Variants in AKAP13 observed in about 807,000 individuals in gnomAD.
AKAP13 encodes the protein A-kinase anchor protein 13.
AKAP13 carries 80 observed loss-of-function variants against 264.5 expected under a neutral mutation model. That is an observed-to-expected ratio of 0.30 (90% CI 0.25 to 0.36). The LOEUF (loss-of-function observed/expected upper bound fraction) is 0.36, where lower values mean the gene tolerates loss of function less well. Among genes scored for constraint, AKAP13 ranks in the 10% least tolerant of loss-of-function variants. AKAP13 has a pLI of 1.00. For synonymous variants in AKAP13, 1,380 were observed against 1,250.2 expected, an observed-to-expected ratio of 1.10 and a Z score of -2.19; for missense variants, 3,712 against 3,435.2, an observed-to-expected ratio of 1.08 and a Z score of -2.01.
chr15:85,616,557 TGTAA>T (rs983476610), intron 8 of AKAP13, among the ~76,000 whole-genome samples: 58 of 152,198 alleles, frequency 3.8e-4, no homozygotes, highest in Admixed American at 1.5e-3. Flanking sequence ...CAATTAATAC[TGTAA>T]GTAACTACTG....
intron 1 of AKAP13, among the ~76,000 whole-genome samples, chr15:85,397,223 T>C (rs2071161323): frequency 6.6e-6 from 1 of 152,192 alleles, no homozygotes; most frequent in South Asian, 2.1e-4. Flanking sequence ...CAAAAACAAC[T>C]GATACATTGT....
chr15:85,439,262 A>G (rs1443544691), intron 1 of AKAP13, among the ~76,000 whole-genome samples: 1 of 146,794 alleles, frequency 6.8e-6, no homozygotes, highest in African/African-American at 2.5e-5. Flanking sequence ...AATCAAAACC[A>G]CAATGAGATA....
chr15:85,630,636 C>T (rs1348121844), intron 8 of AKAP13, among the ~76,000 whole-genome samples: 1 of 152,050 alleles, frequency 6.6e-6, no homozygotes, highest in Non-Finnish European at 1.5e-5. Context: ...AGGATAGAAA[C>T]ATCCCAGCAT....
intron 2 of AKAP13, among the ~76,000 whole-genome samples, chr15:85,515,168 T>C (rs2076560494): frequency 7.2e-6 from 1 of 138,934 alleles, no homozygotes; most frequent in Admixed American, 7.2e-5. Context: ...ACTTCAAATA[T>C]TTGATTATAA....
intron 1 of AKAP13, among the ~76,000 whole-genome samples, chr15:85,407,353 G>A (rs1223721165): frequency 6.6e-6 from 1 of 150,852 alleles, no homozygotes; most frequent in Non-Finnish European, 1.5e-5. Flanking sequence ...TCAGCTTCCC[G>A]AGTGGCTGAG....
intron 14 of AKAP13, among the ~76,000 whole-genome samples, chr15:85,681,655 C>G (rs537883476): frequency 2.0e-5 from 3 of 151,882 alleles, no homozygotes; most frequent in African/African-American, 4.8e-5. Context: ...ACTTGATAAG[C>G]CAGCTCTGAT....
At position 85,495,006 on chromosome 15, in the gene AKAP13, T is replaced by C. The variant is rs573852913; in HGVS notation, c.33+9253T>C. 1.1e-3 allele frequency among the ~76,000 whole-genome samples: 165 copies of C among 152,304 alleles called. 1 individual carries two copies. Among genetic ancestry groups the C allele is most frequent in the African/African-American group, 3.9e-3 (161 of 41,550 alleles). ...AGGTACATTGGAAAATAGTTTACAGTTATTATTTGAAATTCCTCTATAGTG... is the reference window on the plus strand; with the variant it reads ...AGGTACATTGGAAAATAGTTTACAGCTATTATTTGAAATTCCTCTATAGTG... On this transcript the variant is annotated intron_variant, in intron 2 of 36. Coordinates refer to ENST00000394518, the MANE Select transcript of AKAP13 (RefSeq NM_007200.5).
Position 85,629,764 on chromosome 15 carries a change from C to CTTTTTTTTTTTTTTTTTTTTT in AKAP13, c.4162-9597_4162-9577dup, listed in dbSNP as rs773396099. On this transcript the variant is annotated intron_variant, in intron 8 of 36. Transcript: ENST00000394518. ...GAAATATAATGAGTTCCTTTACAGCCTTTTTTTTTTTTTTTTTTTTTTTTT... is the reference window on the plus strand; with the variant it reads ...GAAATATAATGAGTTCCTTTACAGCCTTTTTTTTTTTTTTTTTTTTTTTTTTTTTTTTTTTTTTTTTTTTTT... Among the ~76,000 whole-genome samples, 9 of 50,504 alleles carry CTTTTTTTTTTTTTTTTTTTTT rather than the reference C, an allele frequency of 1.8e-4. 1 individual carries two copies. The highest frequency in any genetic ancestry group is 3.3e-4 in the Non-Finnish European group (9 of 26,950). 33.1% of individuals were successfully genotyped at this position (50,504 alleles called of 152,430 possible).
intron 1 of AKAP13, among the ~76,000 whole-genome samples, chr15:85,461,109 AATTTTATTTT>A (rs61221023): frequency 1.3e-5 from 2 of 150,674 alleles, no homozygotes; most frequent in East Asian, 3.9e-4. Context: ...AGGACTGTAT[AATTTTATTTT>A]ATTTTATTTT....
chr15:85,409,470 A>G (rs1012223431), intron 1 of AKAP13, among the ~76,000 whole-genome samples: 1 of 150,708 alleles, frequency 6.6e-6, no homozygotes, highest in Non-Finnish European at 1.5e-5. Flanking sequence ...GAGCCACCCT[A>G]TCAGGTCCAT....
intron 1 of AKAP13, among the ~76,000 whole-genome samples, chr15:85,399,468 A>C (rs560769210): frequency 7.4e-6 from 1 of 135,582 alleles, no homozygotes; most frequent in Non-Finnish European, 1.5e-5. Flanking sequence ...TGCAGTCCGC[A>C]GTCCGGCCTG....
At chr15:85,404,362 A>G (rs1312761026) in intron 1 of AKAP13, among the ~76,000 whole-genome samples, 1 of 152,224 alleles carries the variant, frequency 6.6e-6, no homozygotes, top group African/African-American at 2.4e-5. Flanking sequence ...AAGGCCTGCC[A>G]CAGTTTGGTT....
Position 85,585,771 on chromosome 15 carries a change from TA to T in AKAP13, c.4110del (p.Ser1372AlafsTer2). 1 of 1,614,188 alleles carries T rather than the reference TA, an allele frequency of 6.2e-7. No individual in the cohort carries two copies. The highest frequency in any genetic ancestry group is 8.5e-7 in the Non-Finnish European group (1 of 1,179,998). ...RASSISEEVA[V>X]GSIAATLKMK... is the part of the protein sequence containing the mutation. ...AGTTCAATTTCTGAAGAAGTGGCTG[TA>T]GGGAGCATAGCTGCTACACTGAAGA... On this transcript the variant is annotated frameshift_variant, in exon 8 of 37. Coordinates refer to ENST00000394518, the MANE Select transcript of AKAP13 (RefSeq NM_007200.5). LOFTEE classifies it high-confidence loss of function.
At chr15:85,632,891 G>A (rs1352857771) in intron 8 of AKAP13, among the ~76,000 whole-genome samples, 1 of 151,274 alleles carries the variant, frequency 6.6e-6, no homozygotes, top group African/African-American at 2.4e-5. Context: ...TTTTGAGGCG[G>A]AATCTTGCTC....
chr15:85,447,533 C>T (rs761918562), intron 1 of AKAP13, among the ~76,000 whole-genome samples: 4 of 152,080 alleles, frequency 2.6e-5, no homozygotes, highest in Non-Finnish European at 2.9e-5. Context: ...CCCCCACCCC[C>T]AAATAGACCC....
In AKAP13 at chr15:85,684,812, C is replaced by A; in HGVS notation, c.5228C>A (p.Thr1743Lys). The A allele has an allele frequency of 6.2e-7, 1 of 1,613,858 alleles. No individual in the cohort carries two copies. Among genetic ancestry groups the A allele is most frequent in the Non-Finnish European group, 8.5e-7 (1 of 1,179,952 alleles). Residue 1743 changes from threonine to lysine, a missense_variant, in exon 16 of 37, where the codon ACA (threonine) becomes AAA (lysine). Transcript: ENST00000394518. ...SKKDSEWKSG[T>K]KVSRTFSYIK... Reference sequence around the variant, plus strand: ...AAAGATTCTGAATGGAAGAGTGGAACAAAAGTCAGTCGTACATTCAGCTAC... The same window carrying A: ...AAAGATTCTGAATGGAAGAGTGGAAAAAAAGTCAGTCGTACATTCAGCTAC...
chr15:85,716,016 T>TTA, intron 20 of AKAP13, 93 bp downstream of exon 20: 1 of 1,399,282 alleles, frequency 7.1e-7, no homozygotes, highest in African/African-American at 1.5e-5. Flanking sequence ...TTTTTTTTTT[T>TTA]AAGAAATAAA....
Position 85,579,304 on chromosome 15 carries a change from G to A in AKAP13, c.1236G>A (p.Thr412=), listed in dbSNP as rs140888795. Residue 412 remains threonine, a synonymous_variant, in exon 7 of 37, where the codon ACG becomes ACA. Coordinates refer to ENST00000394518, the MANE Select transcript of AKAP13 (RefSeq NM_007200.5). ...QSLPDCGVKG[T]EGLSSCGNRN... ...TGCCTGATTGTGGAGTAAAGGGCAC[G>A]GAAGGCCTTTCGTCCTGTGGAAACA... is the stretch of plus-strand genomic sequence containing the variant. 556 of 1,614,088 alleles carry A rather than the reference G, an allele frequency of 3.4e-4. 3 individuals are homozygous for A. The highest frequency in any genetic ancestry group is 3.3e-4 in the Middle Eastern group (2 of 6,084).
chr15:85,743,270 T>C (rs1256942137), intron 35 of AKAP13, among the ~76,000 whole-genome samples: 2 of 152,116 alleles, frequency 1.3e-5, no homozygotes, highest in Non-Finnish European at 2.9e-5. Context: ...TTAACAGCAT[T>C]AAAGGCGATA....
Sources: gnomAD v4.1 joint callset for allele counts (sites outside exome capture counted in the v4.1 genomes callset) on GRCh38, gnomAD v4.1.1 for gene constraint, MANE v1.5 for transcripts, NCBI Gene and HGNC (gene_info 2026-07-23, HGNC 2026-07-21) for gene names.